FGF13: variants seen among roughly 807,000 people sequenced by gnomAD.
FGF13 encodes the protein fibroblast growth factor 13, also known as fibroblast growth factor homologous factor 2.
In FGF13, 2 loss-of-function variants were observed where a neutral mutation model predicts 19.5. The observed-to-expected ratio is 0.10, with a 90% CI of 0.04 to 0.32. The LOEUF (loss-of-function observed/expected upper bound fraction) is 0.32, where lower values mean the gene tolerates loss of function less well. Ranked by LOEUF, FGF13 falls within the 10% of genes least tolerant of loss-of-function variation. The pLI, the probability that FGF13 is intolerant of heterozygous loss-of-function variation, is 1.00. For synonymous variants in FGF13, 72 were observed against 76.9 expected (o/e 0.94, Z 0.33); for missense variants, 113 against 192.7 (o/e 0.59, Z 2.45).
At chrX:138,768,355 G>A (rs1181994767) in intron 3 of FGF13, among the ~76,000 whole-genome samples, 2 of 111,177 alleles carry the variant, frequency 1.8e-5, no homozygotes, top group African/African-American at 6.5e-5. Context: ...GCTAGACCAC[G>A]GTTTCAGTTC....
In FGF13 at chrX:139,068,307, G is replaced by A. The variant is rs1462131308; in HGVS notation, c.-113+135109C>T. Among the ~76,000 whole-genome samples the A allele has an allele frequency of 7.8e-5, 8 of 102,149 alleles. No individual in the cohort carries two copies. In the South Asian group the frequency reaches 1.4e-3, roughly 17 times the overall value. The allele number at this position is 102,149 out of a possible 115,157, so 88.7% of individuals were successfully genotyped here. ...GATCAGATAGTTGTAGATATGCTGC[G>A]TTATTTCTGAGGGCTCTGTTCTGTT... On this transcript the variant is annotated intron_variant, in intron 1 of 2. Coordinates refer to the FGF13 transcript ENST00000421460.
At chrX:138,730,385 G>A (rs963935007) in intron 1 of FGF13, among the ~76,000 whole-genome samples, 2 of 111,293 alleles carry the variant, frequency 1.8e-5, no homozygotes, top group Non-Finnish European at 3.8e-5. Context: ...TTACATCAAT[G>A]AGTATTGACT....
At chrX:139,007,423 C>T (rs1320770388) in intron 1 of FGF13, among the ~76,000 whole-genome samples, 1 of 111,228 alleles carries the variant, frequency 9.0e-6, no homozygotes, top group African/African-American at 3.3e-5. Context: ...GCCCTACATT[C>T]AGCACTGGAC....
chrX:138,837,065 G>T (rs1333562118), intron 3 of FGF13, among the ~76,000 whole-genome samples: 1 of 111,924 alleles, frequency 8.9e-6, no homozygotes, highest in African/African-American at 3.3e-5. Flanking sequence ...TCCCAGGGAG[G>T]TATGGACCTG....
chrX:139,183,115 T>C (rs1252484600), intron 1 of FGF13, among the ~76,000 whole-genome samples: 1 of 111,946 alleles, frequency 8.9e-6, no homozygotes, highest in Non-Finnish European at 1.9e-5. Flanking sequence ...CAACAGCTAA[T>C]TGTCCTGGCA....
chrX:139,000,532 T>C (rs1453760271), intron 1 of FGF13, among the ~76,000 whole-genome samples: 1 of 111,743 alleles, frequency 8.9e-6, no homozygotes, highest in Non-Finnish European at 1.9e-5. Context: ...AGCATTCCTA[T>C]ACACCAATAA....
intron 1 of FGF13, among the ~76,000 whole-genome samples, chrX:139,019,230 C>T (rs1315822522): frequency 1.8e-5 from 2 of 111,541 alleles, no homozygotes; most frequent in Non-Finnish European, 3.8e-5. Flanking sequence ...GGGTTCCAGC[C>T]CTACCTTAGC....
intron 3 of FGF13, among the ~76,000 whole-genome samples, chrX:138,849,565 T>A (rs1487543646): frequency 1.8e-5 from 2 of 111,894 alleles, no homozygotes; most frequent in Non-Finnish European, 3.8e-5. Context: ...ACTTCTAATA[T>A]CAGGATTGGG....
intron 1 of FGF13, among the ~76,000 whole-genome samples, chrX:139,192,663 T>C (rs2084340856): frequency 9.0e-6 from 1 of 111,587 alleles, no homozygotes; most frequent in Admixed American, 9.5e-5. Context: ...CAAATTCTCA[T>C]GGTCGGGGGT....
chrX:138,970,543 C>T (rs776890717), intron 1 of FGF13, among the ~76,000 whole-genome samples: 23 of 111,781 alleles, frequency 2.1e-4, no homozygotes, highest in Admixed American at 1.8e-3. Flanking sequence ...TGCTGAAAAG[C>T]TTTTGACCCA....
intron 2 of FGF13, among the ~76,000 whole-genome samples, chrX:138,704,187 A>C (rs2089973939): frequency 9.0e-6 from 1 of 111,621 alleles, no homozygotes; most frequent in Non-Finnish European, 1.9e-5. Flanking sequence ...GTGGGCAGCC[A>C]GTTGGTGCCA....
upstream of FGF13, among the ~76,000 whole-genome samples, chrX:138,741,099 T>C (rs2090315259): frequency 8.9e-6 from 1 of 112,562 alleles, no homozygotes; most frequent in Admixed American, 9.3e-5. Context: ...GCAAACTCTT[T>C]ACACAGGAGA....
chrX:139,073,141 C>A (rs902653533), intron 1 of FGF13, among the ~76,000 whole-genome samples: 1 of 105,084 alleles, frequency 9.5e-6, no homozygotes, highest in Non-Finnish European at 2.0e-5. Flanking sequence ...TTTCCCCCCC[C>A]CCTTTTCTGT....
chrX:138,653,604 T>C (rs924432083), intron 3 of FGF13, among the ~76,000 whole-genome samples: 6 of 111,502 alleles, frequency 5.4e-5, no homozygotes, highest in Non-Finnish European at 1.1e-4. Context: ...GCCTTGCTAA[T>C]AAGTGAACTC....
At chrX:138,959,145 T>C (rs1372358556) in intron 1 of FGF13, among the ~76,000 whole-genome samples, 1 of 112,074 alleles carries the variant, frequency 8.9e-6, no homozygotes, top group African/African-American at 3.2e-5. Context: ...TCCTGCTTTC[T>C]CTTGTGGGCA....
intron 1 of FGF13, among the ~76,000 whole-genome samples, chrX:139,039,904 T>C (rs1320532956): frequency 9.0e-6 from 1 of 111,492 alleles, no homozygotes; most frequent in Non-Finnish European, 1.9e-5. Context: ...AGGTGAAAAA[T>C]ATGAGACGTG....
intron 1 of FGF13, among the ~76,000 whole-genome samples, chrX:139,015,747 C>A (rs952573922): frequency 9.0e-6 from 1 of 111,317 alleles, no homozygotes; most frequent in Non-Finnish European, 1.9e-5. Flanking sequence ...CTCAGAATAT[C>A]CAAATAAATC....
At chrX:139,106,665 T>C (rs1569453719) in intron 1 of FGF13, among the ~76,000 whole-genome samples, 1 of 112,433 alleles carries the variant, frequency 8.9e-6, no homozygotes, top group East Asian at 2.8e-4. Flanking sequence ...TCAGAGAATA[T>C]GTGAGCAAAG....
chrX:139,185,288 A>G (rs1287484081), intron 1 of FGF13, among the ~76,000 whole-genome samples: 1 of 112,411 alleles, frequency 8.9e-6, no homozygotes. Flanking sequence ...CTTGAGCATA[A>G]TAAGTGTCTC....
Sources: gnomAD v4.1 joint callset for allele counts (sites outside exome capture counted in the v4.1 genomes callset) on GRCh38, gnomAD v4.1.1 for gene constraint, MANE v1.5 for transcripts, NCBI Gene and HGNC (gene_info 2026-07-23, HGNC 2026-07-21) for gene names.